The following NCAM1 variants were observed in gnomAD, a reference collection of about 807,000 sequenced individuals.
NCAM1 encodes antigen recognized by monoclonal antibody 5.1H11.
NCAM1 carries 14 observed loss-of-function variants against 109.8 expected under a neutral mutation model. That is an observed-to-expected ratio of 0.13 (90% CI 0.08 to 0.20). The LOEUF (loss-of-function observed/expected upper bound fraction) is 0.20, where lower values mean the gene tolerates loss of function less well. Ranked by LOEUF, NCAM1 falls within the 10% of genes least tolerant of loss-of-function variation. The pLI, the probability that NCAM1 is intolerant of heterozygous loss-of-function variation, is 1.00. For missense variants in NCAM1, 774 were observed against 1,109.9 expected, an observed-to-expected ratio of 0.70 and a Z score of 4.30; for synonymous variants, 418 against 442.9, an observed-to-expected ratio of 0.94 and a Z score of 0.70.
intron 15 of NCAM1, among the ~76,000 whole-genome samples, chr11:113,248,992 C>T (rs1187959901): frequency 2.6e-5 from 4 of 152,200 alleles, no homozygotes. Flanking sequence ...CTACTGAGGA[C>T]TCTGTGTAAA....
In NCAM1 at chr11:113,094,973, G is replaced by A. The variant is rs573569308; in HGVS notation, c.53-107406G>A. Among the ~76,000 whole-genome samples the A allele has an allele frequency of 5.9e-5, 9 of 152,128 alleles. No individual in the cohort carries two copies. In the South Asian group the frequency reaches 8.3e-4, roughly 14 times the overall value. ...TTTTATAAATAGGGAAAATAGTATC[G>A]GGTTTTGAATGATTAATTATTTTAT... On this transcript the variant is annotated intron_variant, in intron 1 of 19. Transcript: ENST00000316851.
intron 1 of NCAM1, among the ~76,000 whole-genome samples, chr11:113,175,134 G>A (rs574583971): frequency 7.2e-5 from 11 of 152,306 alleles, no homozygotes; most frequent in African/African-American, 2.6e-4. Flanking sequence ...TAACTTTGAT[G>A]TGTTATGTTA....
At chr11:113,034,251 G>A (rs1189478460) in intron 1 of NCAM1, among the ~76,000 whole-genome samples, 3 of 151,914 alleles carry the variant, frequency 2.0e-5, no homozygotes, top group African/African-American at 4.8e-5. Flanking sequence ...CTTCCCCTGG[G>A]GATTTGTCCT....
At chr11:113,269,883 A>T (rs895720829) in intron 17 of NCAM1, 30 of 441,194 alleles carry the variant, frequency 6.8e-5, no homozygotes, top group Middle Eastern at 6.4e-4. Context: ...CTGCCTCATT[A>T]TCCGGTGTTC....
At chr11:113,021,684 C>A (rs543192171) in intron 1 of NCAM1, among the ~76,000 whole-genome samples, 1 of 152,280 alleles carries the variant, frequency 6.6e-6, no homozygotes, top group Non-Finnish European at 1.5e-5. Flanking sequence ...GCGATTTTCC[C>A]ATTGTCATGT....
chr11:112,979,018 T>A (rs533266483), intron 1 of NCAM1, among the ~76,000 whole-genome samples: 1 of 151,988 alleles, frequency 6.6e-6, no homozygotes, highest in South Asian at 2.1e-4. Flanking sequence ...TTTTGTCTGT[T>A]GAACACAGAT....
chr11:113,072,813 A>G (rs1555085508), intron 1 of NCAM1, among the ~76,000 whole-genome samples: 1 of 82,904 alleles, frequency 1.2e-5, no homozygotes, highest in Non-Finnish European at 2.4e-5. Flanking sequence ...AGTATTTTAC[A>G]TTGTTTTTTA....
At chr11:113,078,145 T>G (rs896921626) in intron 1 of NCAM1, among the ~76,000 whole-genome samples, 1 of 152,168 alleles carries the variant, frequency 6.6e-6, no homozygotes, top group African/African-American at 2.4e-5. Context: ...AGGACTGTGG[T>G]CCCTCTGAAG....
intron 9 of NCAM1, chr11:113,231,181 A>T: frequency 3.3e-6 from 5 of 1,535,276 alleles, no homozygotes; most frequent in Non-Finnish European, 4.4e-6. Context: ...GGGCACTTGG[A>T]ATGTCCTGCC....
chr11:113,196,025 A>T (rs1368507443), intron 1 of NCAM1, among the ~76,000 whole-genome samples: 3 of 151,842 alleles, frequency 2.0e-5, no homozygotes, highest in Admixed American at 2.0e-4. Context: ...TACCTTTCTA[A>T]ACAATTTCGA....
intron 1 of NCAM1, among the ~76,000 whole-genome samples, chr11:113,086,408 C>T (rs184772549): frequency 2.0e-5 from 3 of 152,286 alleles, no homozygotes; most frequent in Non-Finnish European, 2.9e-5. Context: ...AAGTTTGCAA[C>T]GAATCTGTCT....
At chr11:113,252,258 T>C (rs1945701911) in intron 15 of NCAM1, among the ~76,000 whole-genome samples, 1 of 152,042 alleles carries the variant, frequency 6.6e-6, no homozygotes, top group Non-Finnish European at 1.5e-5. Context: ...TACAAAAAAT[T>C]AGCCGAGTGT....
chr11:113,074,589 A>G (rs1938443082), intron 1 of NCAM1, among the ~76,000 whole-genome samples: 1 of 152,182 alleles, frequency 6.6e-6, no homozygotes, highest in African/African-American at 2.4e-5. Flanking sequence ...AACACTTGAA[A>G]TGTGCTAGTA....
At chr11:113,059,327 G>A (rs1591290902) in intron 1 of NCAM1, among the ~76,000 whole-genome samples, 1 of 152,194 alleles carries the variant, frequency 6.6e-6, no homozygotes, top group East Asian at 1.9e-4. Context: ...ACAAACAACC[G>A]TGAGATTTAG....
chr11:113,185,480 T>C (rs1384804267), intron 1 of NCAM1, among the ~76,000 whole-genome samples: 1 of 152,154 alleles, frequency 6.6e-6, no homozygotes, highest in Non-Finnish European at 1.5e-5. Context: ...ATCAGAACAA[T>C]GTTTGACCAA....
intron 7 of NCAM1, among the ~76,000 whole-genome samples, chr11:113,211,098 G>C (rs903398685): frequency 1.2e-4 from 18 of 152,158 alleles, no homozygotes; most frequent in Admixed American, 2.6e-4. Context: ...CCTTCCCATT[G>C]GTTGAGGAAA....
At chr11:113,089,693 G>A (rs1325897266) in intron 1 of NCAM1, among the ~76,000 whole-genome samples, 1 of 152,182 alleles carries the variant, frequency 6.6e-6, no homozygotes, top group African/African-American at 2.4e-5. Flanking sequence ...AGTTAAGATA[G>A]CTGTGTGTTG....
intron 1 of NCAM1, among the ~76,000 whole-genome samples, chr11:113,107,614 A>C (rs1364701012): frequency 6.6e-6 from 1 of 152,162 alleles, no homozygotes; most frequent in African/African-American, 2.4e-5. Flanking sequence ...AATGAGAACC[A>C]AGAGAAAGGG....
intron 1 of NCAM1, among the ~76,000 whole-genome samples, chr11:112,994,954 G>A (rs1447302084): frequency 6.6e-6 from 1 of 152,082 alleles, no homozygotes; most frequent in Non-Finnish European, 1.5e-5. Context: ...ATAAACTCAT[G>A]TGCTCTGTCA....
Sources: gnomAD v4.1 joint callset for allele counts (sites outside exome capture counted in the v4.1 genomes callset) on GRCh38, gnomAD v4.1.1 for gene constraint, MANE v1.5 for transcripts, NCBI Gene and HGNC (gene_info 2026-07-23, HGNC 2026-07-21) for gene names.